The following KCNH7 variants were observed in gnomAD, a reference collection of about 807,000 sequenced individuals.
KCNH7 encodes potassium voltage-gated channel subfamily H member 7.
A neutral mutation model predicts 120.8 loss-of-function variants in KCNH7; 49 were observed. The ratio of observed to expected loss-of-function variants is 0.41; its 90% CI spans 0.32 to 0.51. The LOEUF (loss-of-function observed/expected upper bound fraction) is 0.51. Among genes scored for constraint, KCNH7 ranks in the 20% least tolerant of loss-of-function variants. KCNH7 has a pLI of 0.38. For synonymous variants in KCNH7, 547 were observed against 516.1 expected (o/e 1.06, Z -0.81); for missense variants, 1,097 against 1,446.6 (o/e 0.76, Z 3.92).
At chr2:162,667,168 C>T (rs1228281141) in intron 2 of KCNH7, among the ~76,000 whole-genome samples, 2 of 151,860 alleles carry the variant, frequency 1.3e-5, no homozygotes, top group Admixed American at 6.6e-5. Flanking sequence ...TATAGGTGTA[C>T]ACCACAATGC....
intron 9 of KCNH7, among the ~76,000 whole-genome samples, chr2:162,413,784 A>AG (rs1383028544): frequency 1.3e-5 from 2 of 152,014 alleles, no homozygotes; most frequent in Non-Finnish European, 2.9e-5. Flanking sequence ...ATATTAAAAA[A>AG]AAACAGCAAT....
chr2:162,779,926 T>C (rs952941528), intron 2 of KCNH7, among the ~76,000 whole-genome samples: 3 of 152,230 alleles, frequency 2.0e-5, no homozygotes, highest in African/African-American at 7.2e-5. Flanking sequence ...TTCCTCAAGG[T>C]ACATGTGTGT....
At chr2:162,666,558 T>A (rs1685140324) in intron 2 of KCNH7, among the ~76,000 whole-genome samples, 1 of 152,134 alleles carries the variant, frequency 6.6e-6, no homozygotes, top group Non-Finnish European at 1.5e-5. Context: ...GGGTGCTTTT[T>A]CTTTTCTTTT....
intron 2 of KCNH7, among the ~76,000 whole-genome samples, chr2:162,728,093 T>C (rs1424635840): frequency 2.6e-5 from 4 of 151,932 alleles, no homozygotes; most frequent in African/African-American, 9.7e-5. Context: ...TAAAAACTCC[T>C]TTTTTTTCCA....
intron 2 of KCNH7, among the ~76,000 whole-genome samples, chr2:162,597,413 T>C (rs1483739764): frequency 6.6e-6 from 1 of 152,056 alleles, no homozygotes; most frequent in East Asian, 1.9e-4. Flanking sequence ...TAAAGAACAT[T>C]ATGCTAAAGG....
chr2:162,492,444 T>A (rs1690341169), intron 6 of KCNH7, among the ~76,000 whole-genome samples: 1 of 152,182 alleles, frequency 6.6e-6, no homozygotes, highest in Admixed American at 6.5e-5. Context: ...GGCCACATGG[T>A]ATCAATCCTG....
At chr2:162,433,298 T>A (rs1017654322) in intron 8 of KCNH7, among the ~76,000 whole-genome samples, 11 of 151,886 alleles carry the variant, frequency 7.2e-5, no homozygotes, top group African/African-American at 2.7e-4. Context: ...TTATAGAAAG[T>A]GAAACAGAGC....
At chr2:162,425,504 T>A (rs952837178) in intron 8 of KCNH7, among the ~76,000 whole-genome samples, 1 of 152,152 alleles carries the variant, frequency 6.6e-6, no homozygotes, top group Non-Finnish European at 1.5e-5. Context: ...ATTAACAATA[T>A]TTGCCAGAAA....
At chr2:162,508,538 C>G (rs779953687) in intron 5 of KCNH7, among the ~76,000 whole-genome samples, 8 of 151,402 alleles carry the variant, frequency 5.3e-5, no homozygotes, top group Non-Finnish European at 1.0e-4. Flanking sequence ...CAGAAGACTT[C>G]TAGAGTCTTC....
intron 6 of KCNH7, among the ~76,000 whole-genome samples, chr2:162,462,199 C>T (rs563403638): frequency 6.6e-6 from 1 of 152,130 alleles, no homozygotes; most frequent in East Asian, 1.9e-4. Context: ...AAATCAGAAA[C>T]ACTACCCATG....
chr2:162,470,045 C>T (rs867056692), intron 6 of KCNH7, among the ~76,000 whole-genome samples: 7 of 152,202 alleles, frequency 4.6e-5, no homozygotes, highest in African/African-American at 1.7e-4. Flanking sequence ...GTGGCGTGAT[C>T]TCGGCTCGCT....
At chr2:162,756,271 A>G (rs886166150) in intron 2 of KCNH7, among the ~76,000 whole-genome samples, 2 of 152,156 alleles carry the variant, frequency 1.3e-5, no homozygotes, top group Non-Finnish European at 2.9e-5. Flanking sequence ...TGAATGATGT[A>G]CCAATGTTCC....
chr2:162,755,848 A>C (rs1175696384), intron 2 of KCNH7, among the ~76,000 whole-genome samples: 1 of 152,210 alleles, frequency 6.6e-6, no homozygotes, highest in Non-Finnish European at 1.5e-5. Context: ...TACTTGGTAC[A>C]TCTAAATTAA....
intron 13 of KCNH7, among the ~76,000 whole-genome samples, chr2:162,382,282 T>G (rs769466996): frequency 6.6e-6 from 1 of 152,126 alleles, no homozygotes; most frequent in Non-Finnish European, 1.5e-5. Context: ...TCCTTGATTA[T>G]AATTTACTTT....
chr2:162,566,151 C>A (rs778625671), intron 2 of KCNH7, among the ~76,000 whole-genome samples: 2 of 151,948 alleles, frequency 1.3e-5, no homozygotes, highest in Non-Finnish European at 2.9e-5. Flanking sequence ...AATCTACCAG[C>A]ACCAACCCTT....
In KCNH7 at chr2:162,635,280, A is replaced by G. The variant is rs1186556206; in HGVS notation, c.308-98200T>C. On this transcript the variant is annotated intron_variant, in intron 2 of 15. Coordinates refer to ENST00000332142, the MANE Select transcript of KCNH7 (RefSeq NM_033272.4). ...AGGTAAGACACAGTTTGTCTCCTTA[A>G]GTTTTTCAAAATCCAGTGGCAGAGA... 3.3e-5 allele frequency among the ~76,000 whole-genome samples: 5 copies of G among 152,228 alleles called. No individual in the cohort carries two copies. The East Asian group carries it at 9.7e-4, about 29-fold the overall frequency.
chr2:162,628,090 G>C (rs1464318353), intron 2 of KCNH7, among the ~76,000 whole-genome samples: 2 of 152,128 alleles, frequency 1.3e-5, no homozygotes, highest in Admixed American at 1.3e-4. Flanking sequence ...TTTCATGAGA[G>C]TATTGGTATT....
chr2:162,508,147 G>A (rs1009467313), intron 5 of KCNH7, among the ~76,000 whole-genome samples: 8 of 151,428 alleles, frequency 5.3e-5, no homozygotes, highest in African/African-American at 1.5e-4. Flanking sequence ...TTCAGGATAG[G>A]AAAATGAGTA....
At chr2:162,418,641 T>C (rs2105480256) in intron 9 of KCNH7, among the ~76,000 whole-genome samples, 1 of 152,192 alleles carries the variant, frequency 6.6e-6, no homozygotes, top group East Asian at 1.9e-4. Flanking sequence ...GTTTAGAGAA[T>C]GAGTGTAACA....
Sources: gnomAD v4.1 joint callset for allele counts (sites outside exome capture counted in the v4.1 genomes callset) on GRCh38, gnomAD v4.1.1 for gene constraint, MANE v1.5 for transcripts, NCBI Gene and HGNC (gene_info 2026-07-23, HGNC 2026-07-21) for gene names.